The following LYNX1 variants were observed in gnomAD, a reference collection of about 807,000 sequenced individuals.
LYNX1 encodes ly-6/neurotoxin-like protein 1.
Under a neutral mutation model 8.3 loss-of-function variants are expected in LYNX1, and 8 were observed. The ratio of observed to expected loss-of-function variants is 0.97; its 90% CI spans 0.57 to 1.74. LYNX1 has a LOEUF of 1.74. Ranked by LOEUF, LYNX1 falls within the 40% of genes most tolerant of loss-of-function variation. LYNX1 has a pLI of 0.00. For synonymous variants in LYNX1, 73 were observed against 67.9 expected (o/e 1.08, Z -0.37); for missense variants, 158 against 159.7 (o/e 0.99, Z 0.06).
chr8:142,771,578 G>A lies in LYNX1; in HGVS notation c.*3589C>T, dbSNP rs1299984699. Reference sequence around the variant, plus strand: ...GGGCCCAGAGGGAAGGAGATCCTGAGGGGCTGGCAGATTCAGGCCCTCCCT... The same window carrying A: ...GGGCCCAGAGGGAAGGAGATCCTGAAGGGCTGGCAGATTCAGGCCCTCCCT... On this transcript the variant is annotated 3_prime_UTR_variant, in exon 4 of 4. Transcript: ENST00000652477. 2 of 985,510 alleles carry A rather than the reference G, an allele frequency of 2.0e-6. No homozygotes were observed. The highest frequency in any genetic ancestry group is 1.7e-5 in the African/African-American group (1 of 57,242). The allele number at this position is 985,510 out of a possible 1,614,324, so 61.0% of individuals were successfully genotyped here.
Position 142,775,073 on chromosome 8 carries a change from G to C in LYNX1, c.*94C>G. 3 of 1,500,784 alleles carry C rather than the reference G, an allele frequency of 2.0e-6. No homozygotes were observed. The highest frequency in any genetic ancestry group is 2.7e-6 in the Non-Finnish European group (3 of 1,127,054). The allele number at this position is 1,500,784 out of a possible 1,614,324, so 93.0% of individuals were successfully genotyped here. On this transcript the variant is annotated 3_prime_UTR_variant, in exon 4 of 4. Transcript: ENST00000652477. ...CCTGGGCATGGCTGAGGAGGTCGCAGGGAGTGTGGAGGGTGAGGCAGGGTG... is the reference window on the plus strand; with the variant it reads ...CCTGGGCATGGCTGAGGAGGTCGCACGGAGTGTGGAGGGTGAGGCAGGGTG...
In LYNX1 at chr8:142,774,667, C is replaced by T. The variant is rs1043414684; in HGVS notation, c.*500G>A. ...GGCCCTCCTCCCACAGCCCTGATCC[C>T]GTACCGGTCCTGGCAGCTCCTGGCC... is the stretch of plus-strand genomic sequence containing the variant. On this transcript the variant is annotated 3_prime_UTR_variant, in exon 4 of 4. Transcript: ENST00000652477. 13 of 991,110 alleles carry T rather than the reference C, an allele frequency of 1.3e-5. No individual in the cohort carries two copies. Among genetic ancestry groups the T allele is most frequent in the South Asian group, 9.2e-5 (2 of 21,632 alleles). The allele number at this position is 991,110 out of a possible 1,614,324, so 61.4% of individuals were successfully genotyped here. A position where few individuals can be genotyped will look rare whatever the true frequency, so the allele number is the denominator to read the frequency against.
rs1017265956 is a variant in LYNX1, at chr8:142,771,636, C to G, written c.*3531G>C. ...GAGGTTTGAAGAGGAGAGCAGACCA[C>G]CCAGAGTAGTGGGAGAAAGCACCGG... On this transcript the variant is annotated 3_prime_UTR_variant, in exon 4 of 4. Transcript: ENST00000652477. 1.0e-5 allele frequency: 10 copies of G among 985,834 alleles called. No homozygotes were observed. In the African/African-American group the frequency reaches 1.6e-4, roughly 15 times the overall value. The allele number at this position is 985,834 out of a possible 1,614,324, so 61.1% of individuals were successfully genotyped here. A position where few individuals can be genotyped will look rare whatever the true frequency, so the allele number is the denominator to read the frequency against.
rs1167927558 is a variant in LYNX1, at chr8:142,772,260, T to C, written c.*2907A>G. 7.1e-6 allele frequency: 7 copies of C among 985,850 alleles called. No homozygotes were observed. The highest frequency in any genetic ancestry group is 8.4e-6 in the Non-Finnish European group (7 of 830,044). The allele number at this position is 985,850 out of a possible 1,614,324, so 61.1% of individuals were successfully genotyped here. On this transcript the variant is annotated 3_prime_UTR_variant, in exon 4 of 4. Coordinates refer to ENST00000652477, the MANE Select transcript of LYNX1 (RefSeq NM_177477.4). Reference sequence around the variant, plus strand: ...CCCCCATGAAGGGGACCCTCGGTTCTGCGAGAGAGATCCCCGAAGTGGGAA... The same window carrying C: ...CCCCCATGAAGGGGACCCTCGGTTCCGCGAGAGAGATCCCCGAAGTGGGAA...
At position 142,772,230 on chromosome 8, in the gene LYNX1, A is replaced by C. The variant is rs1448255958; in HGVS notation, c.*2937T>G. On this transcript the variant is annotated 3_prime_UTR_variant, in exon 4 of 4. Coordinates refer to ENST00000652477, the MANE Select transcript of LYNX1 (RefSeq NM_177477.4). ...ACAGTGGCAACAGCTAGCCCTGGGC[A>C]TCTACCCCCATGAAGGGGACCCTCG... The C allele has an allele frequency of 2.0e-6, 2 of 985,978 alleles. No homozygotes were observed. Among genetic ancestry groups the C allele is most frequent in the Non-Finnish European group, 2.4e-6 (2 of 830,010 alleles). The allele number at this position is 985,978 out of a possible 1,614,324, so 61.1% of individuals were successfully genotyped here. A position where few individuals can be genotyped will look rare whatever the true frequency, so the allele number is the denominator to read the frequency against.
chr8:142,771,290 C>T lies in LYNX1; in HGVS notation c.*3877G>A. 1 of 985,514 alleles carries T rather than the reference C, an allele frequency of 1.0e-6. No homozygotes were observed. Among genetic ancestry groups the T allele is most frequent in the Non-Finnish European group, 1.2e-6 (1 of 829,986 alleles). 61.0% of individuals were successfully genotyped at this position (985,514 alleles called of 1,614,324 possible). A position where few individuals can be genotyped will look rare whatever the true frequency, so the allele number is the denominator to read the frequency against. The stretch of plus-strand genomic sequence containing the variant: ...TTAGGGCAAGCATTAGCAGCAGGGG[C>T]ATGGCCCTGGGAAGCACCTGGACCC... On this transcript the variant is annotated 3_prime_UTR_variant, in exon 4 of 4. Transcript: ENST00000652477.
At position 142,774,782 on chromosome 8, in the gene LYNX1, T is replaced by C. The variant is rs1815331527; in HGVS notation, c.*385A>G. 1 of 1,074,088 alleles carries C rather than the reference T, an allele frequency of 9.3e-7. No homozygotes were observed. The highest frequency in any genetic ancestry group is 1.1e-6 in the Non-Finnish European group (1 of 885,826). 66.5% of individuals were successfully genotyped at this position (1,074,088 alleles called of 1,614,324 possible). A position where few individuals can be genotyped will look rare whatever the true frequency, so the allele number is the denominator to read the frequency against. ...CTGCGGGCATTCCTTGTCTTCCCCC[T>C]GCCCCAGCACACCAGGGGCAGACTG... On this transcript the variant is annotated 3_prime_UTR_variant, in exon 4 of 4. Transcript: ENST00000652477.
At position 142,775,674 on chromosome 8, in the gene LYNX1, C is replaced by A; in HGVS notation, c.73G>T (p.Val25Leu). Residue 25 changes from valine to leucine, a missense_variant, in exon 3 of 4, where the codon GTG becomes TTG. Coordinates refer to ENST00000652477, the MANE Select transcript of LYNX1 (RefSeq NM_177477.4). ...LPLAQALDCH[V>L]CAYNGDNCFN... ...CAGTTGTCTCCGTTGTAGGCACACA[C>A]GTGGCAGTCCAAGGCCTGGGCTGGG... is the stretch of plus-strand genomic sequence containing the variant. 6.2e-7 allele frequency: 1 copy of A among 1,600,636 alleles called. No homozygotes were observed. Among genetic ancestry groups the A allele is most frequent in the Non-Finnish European group, 8.5e-7 (1 of 1,173,720 alleles).
In LYNX1 at chr8:142,774,814, G is replaced by A. The variant is rs1815333377; in HGVS notation, c.*353C>T. 8.9e-7 allele frequency: 1 copy of A among 1,129,026 alleles called. No individual in the cohort carries two copies. The highest frequency in any genetic ancestry group is 1.1e-6 in the Non-Finnish European group (1 of 919,984). The allele number at this position is 1,129,026 out of a possible 1,614,324, so 69.9% of individuals were successfully genotyped here. On this transcript the variant is annotated 3_prime_UTR_variant, in exon 4 of 4. Coordinates refer to ENST00000652477, the MANE Select transcript of LYNX1 (RefSeq NM_177477.4). ...GCACACCAGGGGCAGACTGAGGCAG[G>A]GGCCTCTCCTAGGGCTTCCCAGAAG...
Position 142,774,900 on chromosome 8 carries a change from T to G in LYNX1, c.*267A>C. 14 of 1,340,300 alleles carry G rather than the reference T, an allele frequency of 1.0e-5. No individual in the cohort carries two copies. The highest frequency in any genetic ancestry group is 8.6e-5 in the East Asian group (3 of 34,722). 83.0% of individuals were successfully genotyped at this position (1,340,300 alleles called of 1,614,324 possible). A position where few individuals can be genotyped will look rare whatever the true frequency, so the allele number is the denominator to read the frequency against. ...CCCTGCCTGACTGGGCCCCTCCCCA[T>G]AAATAGCCCTGGACAGGCGAGGGGC... On this transcript the variant is annotated 3_prime_UTR_variant, in exon 4 of 4. Coordinates refer to ENST00000652477, the MANE Select transcript of LYNX1 (RefSeq NM_177477.4).
Position 142,774,301 on chromosome 8 carries a change from G to T in LYNX1, c.*866C>A, listed in dbSNP as rs1019079483. On this transcript the variant is annotated 3_prime_UTR_variant, in exon 4 of 4. Transcript: ENST00000652477. The stretch of plus-strand genomic sequence containing the variant: ...CAGTCCTGCGTCTTTTGCCTTGCTC[G>T]GCTGGGTCCTGCTGTGGTTGGGGAC... 1.5e-4 allele frequency: 148 copies of T among 985,536 alleles called. No homozygotes were observed. Among genetic ancestry groups the T allele is most frequent in the Non-Finnish European group, 1.6e-4 (134 of 830,098 alleles). The allele number at this position is 985,536 out of a possible 1,614,324, so 61.0% of individuals were successfully genotyped here.
Position 142,774,091 on chromosome 8 carries a change from T to C in LYNX1, c.*1076A>G. On this transcript the variant is annotated 3_prime_UTR_variant, in exon 4 of 4. Transcript: ENST00000652477. ...GGGTGCATCCCCAGGTGGAAGGTGA[T>C]GGAGGGACCCACTCACTGTGCGCAT... is the stretch of plus-strand genomic sequence containing the variant. 3.0e-6 allele frequency: 3 copies of C among 985,280 alleles called. No homozygotes were observed. Among genetic ancestry groups the C allele is most frequent in the Non-Finnish European group, 3.6e-6 (3 of 829,888 alleles). 61.0% of individuals were successfully genotyped at this position (985,280 alleles called of 1,614,324 possible). A position where few individuals can be genotyped will look rare whatever the true frequency, so the allele number is the denominator to read the frequency against.
In LYNX1 at chr8:142,774,392, A is replaced by G. The variant is rs1815314810; in HGVS notation, c.*775T>C. On this transcript the variant is annotated 3_prime_UTR_variant, in exon 4 of 4. Coordinates refer to ENST00000652477, the MANE Select transcript of LYNX1 (RefSeq NM_177477.4). ...TGCCCAGAATAGCGCTGGCCGGGTC[A>G]GCGTCCAGGACCCACCAAATATAGC... The G allele has an allele frequency of 2.0e-6, 2 of 985,640 alleles. No homozygotes were observed. The highest frequency in any genetic ancestry group is 6.1e-5 in the Admixed American group (1 of 16,270). The allele number at this position is 985,640 out of a possible 1,614,324, so 61.1% of individuals were successfully genotyped here.
Position 142,774,737 on chromosome 8 carries a change from G to A in LYNX1, c.*430C>T, listed in dbSNP as rs1815330272. On this transcript the variant is annotated 3_prime_UTR_variant, in exon 4 of 4. Coordinates refer to ENST00000652477, the MANE Select transcript of LYNX1 (RefSeq NM_177477.4). ...GGCCTGGAGGAGCCTTTCCTCCTAA[G>A]AGTCTCCCCACCACCCCACCTGCGG... The A allele has an allele frequency of 1.9e-6, 2 of 1,028,020 alleles. No homozygotes were observed. Among genetic ancestry groups the A allele is most frequent in the Admixed American group, 5.1e-5 (1 of 19,574 alleles). The allele number at this position is 1,028,020 out of a possible 1,614,324, so 63.7% of individuals were successfully genotyped here. A position where few individuals can be genotyped will look rare whatever the true frequency, so the allele number is the denominator to read the frequency against.
chr8:142,773,468 G>C lies in LYNX1; in HGVS notation c.*1699C>G. The C allele has an allele frequency of 1.0e-6, 1 of 985,452 alleles. No homozygotes were observed. Among genetic ancestry groups the C allele is most frequent in the Non-Finnish European group, 1.2e-6 (1 of 829,990 alleles). The allele number at this position is 985,452 out of a possible 1,614,324, so 61.0% of individuals were successfully genotyped here. Reference sequence around the variant, plus strand: ...TGGGGAGTCACGTTCCTCCCGCTCCGGGCCCGTTCCCACCCAAGGTCCCTT... The same window carrying C: ...TGGGGAGTCACGTTCCTCCCGCTCCCGGCCCGTTCCCACCCAAGGTCCCTT... On this transcript the variant is annotated 3_prime_UTR_variant, in exon 4 of 4. Coordinates refer to ENST00000652477, the MANE Select transcript of LYNX1 (RefSeq NM_177477.4).
At chr8:142,777,642 C>T (rs1047271005), upstream of LYNX1, 3 of 395,592 alleles carry the variant, frequency 7.6e-6, no homozygotes, top group Middle Eastern at 6.3e-4. Flanking sequence ...GGCCCGGACC[C>T]GTCCCCGGAC....
In LYNX1 at chr8:142,771,442, G is replaced by T; in HGVS notation, c.*3725C>A. 1.0e-6 allele frequency: 1 copy of T among 985,482 alleles called. No homozygotes were observed. Among genetic ancestry groups the T allele is most frequent in the South Asian group, 4.7e-5 (1 of 21,282 alleles). 61.0% of individuals were successfully genotyped at this position (985,482 alleles called of 1,614,324 possible). ...CCTCAAGATGCAAATGAAGCTCAGG[G>T]CTGGGCGGAAGCTGGCAGGGCTGTC... On this transcript the variant is annotated 3_prime_UTR_variant, in exon 4 of 4. Transcript: ENST00000652477.
chr8:142,775,147 G>C lies in LYNX1; in HGVS notation c.*20C>G. ...TGTGTCTCGAGAGCTTTGTTCTTGA[G>C]TGGGTCTGCCTCGGGGGCTTTAGAG... On this transcript the variant is annotated 3_prime_UTR_variant, in exon 4 of 4. Coordinates refer to ENST00000652477, the MANE Select transcript of LYNX1 (RefSeq NM_177477.4). 6 of 1,605,076 alleles carry C rather than the reference G, an allele frequency of 3.7e-6. No individual in the cohort carries two copies. Among genetic ancestry groups the C allele is most frequent in the Non-Finnish European group, 5.1e-6 (6 of 1,176,398 alleles).
At position 142,773,837 on chromosome 8, in the gene LYNX1, C is replaced by G. The variant is rs1815281684; in HGVS notation, c.*1330G>C. 6 of 985,352 alleles carry G rather than the reference C, an allele frequency of 6.1e-6. No homozygotes were observed. The highest frequency in any genetic ancestry group is 7.2e-6 in the Non-Finnish European group (6 of 829,904). 61.0% of individuals were successfully genotyped at this position (985,352 alleles called of 1,614,324 possible). A position where few individuals can be genotyped will look rare whatever the true frequency, so the allele number is the denominator to read the frequency against. On this transcript the variant is annotated 3_prime_UTR_variant, in exon 4 of 4. Coordinates refer to ENST00000652477, the MANE Select transcript of LYNX1 (RefSeq NM_177477.4). ...TGGCTTGAAGGGTTTCTCAGGACACCAGAGCTGGGAGCACTGGTCAGGTGG... is the reference window on the plus strand; with the variant it reads ...TGGCTTGAAGGGTTTCTCAGGACACGAGAGCTGGGAGCACTGGTCAGGTGG...
Sources: gnomAD v4.1 joint callset for allele counts on GRCh38, gnomAD v4.1.1 for gene constraint, MANE v1.5 for transcripts, NCBI Gene and HGNC (gene_info 2026-07-23, HGNC 2026-07-21) for gene names.